Variants in ABLIM1 observed in about 807,000 individuals in gnomAD.
ABLIM1 encodes the protein actin-binding LIM protein 1.
Under a neutral mutation model 107.0 loss-of-function variants are expected in ABLIM1, and 40 were observed. The ratio of observed to expected loss-of-function variants is 0.37; its 90% CI spans 0.29 to 0.49. ABLIM1 has a LOEUF of 0.49. ABLIM1 is among the 20% of genes least tolerant of loss of function. The pLI is 0.97. For synonymous variants in ABLIM1, 357 were observed against 357.3 expected, an observed-to-expected ratio of 1.00 and a Z score of 0.01; for missense variants, 857 against 1,008.5, an observed-to-expected ratio of 0.85 and a Z score of 2.04.
intron 1 of ABLIM1, among the ~76,000 whole-genome samples, chr10:114,694,542 T>G (rs1034789106): frequency 6.6e-6 from 1 of 152,170 alleles, no homozygotes; most frequent in Admixed American, 6.5e-5. Context: ...AGCAAGTTAT[T>G]TTATCTATAC....
intron 1 of ABLIM1, among the ~76,000 whole-genome samples, chr10:114,760,742 C>A (rs2082728138): frequency 6.6e-6 from 1 of 152,130 alleles, no homozygotes; most frequent in Non-Finnish European, 1.5e-5. Flanking sequence ...AATGTGGGAA[C>A]AATTCAACCT....
intron 1 of ABLIM1, among the ~76,000 whole-genome samples, chr10:114,760,861 T>C (rs2082730765): frequency 6.6e-6 from 1 of 152,252 alleles, no homozygotes; most frequent in South Asian, 2.1e-4. Flanking sequence ...CAGAACCATT[T>C]ATTTTAAATG....
intron 12 of ABLIM1, among the ~76,000 whole-genome samples, chr10:114,460,972 CAT>C (rs2063764831): frequency 6.6e-6 from 1 of 152,194 alleles, no homozygotes; most frequent in Admixed American, 6.5e-5. Flanking sequence ...CAAGTTAAAA[CAT>C]ATAATAGCCA....
chr10:114,633,174 C>G (rs571948673), intron 1 of ABLIM1, among the ~76,000 whole-genome samples: 1 of 152,206 alleles, frequency 6.6e-6, no homozygotes. Flanking sequence ...CAGTATTAGA[C>G]GGTATTTACT....
At chr10:114,475,163 G>A (rs575107376) in intron 8 of ABLIM1, among the ~76,000 whole-genome samples, 20 of 152,176 alleles carry the variant, frequency 1.3e-4, no homozygotes, top group African/African-American at 2.9e-4. Flanking sequence ...CTCCTACCTC[G>A]TCTCTCACCT....
chr10:114,719,637 A>G (rs808263), intron 1 of ABLIM1, among the ~76,000 whole-genome samples: 112,481 of 152,100 alleles, frequency 0.74, 41,898 homozygotes, highest in African/African-American at 0.82. Context: ...GATGTCACAC[A>G]GCTGACCTTA....
intron 1 of ABLIM1, among the ~76,000 whole-genome samples, chr10:114,683,559 A>G (rs955370735): frequency 1.3e-5 from 2 of 152,172 alleles, no homozygotes; most frequent in African/African-American, 4.8e-5. Flanking sequence ...GTCCTGCGAA[A>G]CAGAGAAGAG....
intron 1 of ABLIM1, among the ~76,000 whole-genome samples, chr10:114,745,988 A>G (rs2142349588): frequency 6.6e-6 from 1 of 152,330 alleles, no homozygotes; most frequent in East Asian, 1.9e-4. Context: ...GATATAGACA[A>G]ATCATGTTTG....
At chr10:114,595,235 A>G (rs2075301171) in intron 2 of ABLIM1, 1 of 152,194 alleles carries the variant, frequency 6.6e-6, no homozygotes, top group Non-Finnish European at 1.5e-5. Context: ...TAATGAACAA[A>G]ATATATAACA....
chr10:114,731,487 AGTCTCACTCT>A (rs1455983784), intron 1 of ABLIM1, among the ~76,000 whole-genome samples: 1 of 150,328 alleles, frequency 6.7e-6, no homozygotes, highest in Non-Finnish European at 1.5e-5. Context: ...TTGGAGATGG[AGTCTCACTCT>A]GTCGCCCACA....
At chr10:114,751,946 A>C (rs2082523515) in intron 1 of ABLIM1, among the ~76,000 whole-genome samples, 1 of 152,134 alleles carries the variant, frequency 6.6e-6, no homozygotes, top group African/African-American at 2.4e-5. Flanking sequence ...AGTGCATTTA[A>C]TCACACAGCA....
intron 1 of ABLIM1, among the ~76,000 whole-genome samples, chr10:114,691,149 T>G (rs2081069266): frequency 6.6e-6 from 1 of 152,200 alleles, no homozygotes; most frequent in African/African-American, 2.4e-5. Context: ...GAGTCACATC[T>G]TGTATGCAGA....
At chr10:114,758,841 G>A (rs549038736) in intron 1 of ABLIM1, among the ~76,000 whole-genome samples, 1 of 152,068 alleles carries the variant, frequency 6.6e-6, no homozygotes, top group African/African-American at 2.4e-5. Flanking sequence ...CCCTAACACA[G>A]GTAAAGTTTC....
At chr10:114,514,616 T>C (rs1175911528) in intron 6 of ABLIM1, among the ~76,000 whole-genome samples, 1 of 152,222 alleles carries the variant, frequency 6.6e-6, no homozygotes, top group African/African-American at 2.4e-5. Flanking sequence ...TCGGCTCAAG[T>C]GATCCTCCTG....
chr10:114,512,505 T>G (rs2062023052), intron 6 of ABLIM1, among the ~76,000 whole-genome samples: 1 of 152,096 alleles, frequency 6.6e-6, no homozygotes, highest in African/African-American at 2.4e-5. Context: ...ACGGAAGATA[T>G]AACTTGTAAA....
chr10:114,741,059 TAAA>T (rs2082277088), intron 1 of ABLIM1, among the ~76,000 whole-genome samples: 1 of 150,606 alleles, frequency 6.6e-6, no homozygotes, highest in Admixed American at 6.6e-5. Context: ...AAAGAAATAA[TAAA>T]AAGTTGTGTT....
At chr10:114,450,431 CTTTCTTT>C (rs2061684587) in intron 14 of ABLIM1, among the ~76,000 whole-genome samples, 1 of 136,388 alleles carries the variant, frequency 7.3e-6, no homozygotes, top group African/African-American at 2.9e-5. Flanking sequence ...TTCTTTCTTT[CTTTCTTT>C]TTTTTTTTTT....
chr10:114,499,082 G>A (rs2060053909), intron 6 of ABLIM1, among the ~76,000 whole-genome samples: 1 of 152,216 alleles, frequency 6.6e-6, no homozygotes, highest in Non-Finnish European at 1.5e-5. Context: ...AGAGCTAGGG[G>A]TAGAACCCAG....
chr10:114,714,494 G>T (rs2081617811), intron 1 of ABLIM1, among the ~76,000 whole-genome samples: 1 of 152,200 alleles, frequency 6.6e-6, no homozygotes, highest in African/African-American at 2.4e-5. Context: ...AGAAAGATTT[G>T]GGAACTCTGG....
Sources: allele counts gnomAD v4.1 joint callset (sites outside exome capture counted in the v4.1 genomes callset), GRCh38; gene constraint gnomAD v4.1.1; transcripts MANE v1.5; gene names NCBI Gene and HGNC (gene_info 2026-07-23, HGNC 2026-07-21).